NALF1: variants seen among roughly 807,000 people sequenced by gnomAD.
NALF1 encodes the protein family with sequence similarity 155 member A.
NALF1 carries 3 observed loss-of-function variants against 48.4 expected under a neutral mutation model. That is an observed-to-expected ratio of 0.06 (90% CI 0.03 to 0.16). The LOEUF is 0.16. NALF1 is among the 10% of genes least tolerant of loss of function. NALF1 has a pLI of 1.00. For synonymous variants in NALF1, 262 were observed against 245.7 expected (o/e 1.07, Z -0.62); for missense variants, 526 against 571.5 (o/e 0.92, Z 0.81).
At chr13:107,394,643 T>C (rs183071673) in intron 1 of NALF1, among the ~76,000 whole-genome samples, 3 of 152,318 alleles carry the variant, frequency 2.0e-5, no homozygotes, top group African/African-American at 7.2e-5. Flanking sequence ...ATATAACATA[T>C]TCTTAACATT....
chr13:107,376,935 G>A (rs936610828), intron 1 of NALF1, among the ~76,000 whole-genome samples: 2 of 152,106 alleles, frequency 1.3e-5, no homozygotes, highest in Non-Finnish European at 2.9e-5. Context: ...CTGTCAACTC[G>A]CTCCTGTTCA....
intron 1 of NALF1, among the ~76,000 whole-genome samples, chr13:107,247,191 T>C (rs774775408): frequency 2.6e-5 from 4 of 152,190 alleles, no homozygotes; most frequent in Non-Finnish European, 5.9e-5. Context: ...TTTGTTGACA[T>C]ACATATTGGC....
intron 1 of NALF1, among the ~76,000 whole-genome samples, chr13:107,822,646 G>A (rs1221693728): frequency 6.6e-6 from 1 of 152,142 alleles, no homozygotes; most frequent in Non-Finnish European, 1.5e-5. Flanking sequence ...CATGAATACT[G>A]TAAAAGTGCT....
intron 1 of NALF1, among the ~76,000 whole-genome samples, chr13:107,391,855 C>G (rs778465077): frequency 1.3e-5 from 2 of 152,000 alleles, no homozygotes; most frequent in Non-Finnish European, 2.9e-5. Context: ...ATATATAAAA[C>G]CAAGCTGTAC....
At chr13:107,190,973 C>T (rs1879267666) in intron 2 of NALF1, among the ~76,000 whole-genome samples, 1 of 152,170 alleles carries the variant, frequency 6.6e-6, no homozygotes, top group Non-Finnish European at 1.5e-5. Flanking sequence ...TGTAGTTATG[C>T]ATATTTTTCA....
chr13:107,737,822 AT>A (rs1418600422), intron 1 of NALF1, among the ~76,000 whole-genome samples: 1 of 152,218 alleles, frequency 6.6e-6, no homozygotes. Flanking sequence ...TGTATGCCTA[AT>A]AAAAACAATT....
At position 107,443,436 on chromosome 13, in the gene NALF1, C is replaced by T. The variant is rs182972999; in HGVS notation, c.916-232681G>A. ...CTTGCTATGTTGGCCAGGCTGGTCT[C>T]GAACCCATGACCTCAAGTGATCCAC... On this transcript the variant is annotated intron_variant, in intron 1 of 2. Coordinates refer to ENST00000375915, the MANE Select transcript of NALF1 (RefSeq NM_001080396.3). 5.9e-3 allele frequency among the ~76,000 whole-genome samples: 898 copies of T among 152,150 alleles called. 9 individuals carry two copies. Among genetic ancestry groups the T allele is most frequent in the African/African-American group, 0.02 (849 of 41,512 alleles).
chr13:107,665,670 A>G (rs1880839398), intron 1 of NALF1, among the ~76,000 whole-genome samples: 1 of 152,052 alleles, frequency 6.6e-6, no homozygotes, highest in Non-Finnish European at 1.5e-5. Context: ...TCTCATCTTG[A>G]CATGTTTGTG....
At position 107,358,676 on chromosome 13, in the gene NALF1, C is replaced by T. The variant is rs2138952478; in HGVS notation, c.916-147921G>A. Reference sequence around the variant, plus strand: ...CTTCTGCCATCATCAGAAGAGTAAACTCTATGGATGACCCCTGAATCACTG... The same window carrying T: ...CTTCTGCCATCATCAGAAGAGTAAATTCTATGGATGACCCCTGAATCACTG... On this transcript the variant is annotated intron_variant, in intron 1 of 2. Coordinates refer to ENST00000375915, the MANE Select transcript of NALF1 (RefSeq NM_001080396.3). Among the ~76,000 whole-genome samples the T allele has an allele frequency of 1.3e-5, 2 of 152,240 alleles. 1 individual carries two copies. Among genetic ancestry groups the T allele is most frequent in the Middle Eastern group, 6.8e-3 (2 of 294 alleles).
chr13:107,841,405 G>A (rs1247451567), intron 1 of NALF1, among the ~76,000 whole-genome samples: 2 of 152,084 alleles, frequency 1.3e-5, no homozygotes, highest in Non-Finnish European at 1.5e-5. Context: ...CACATTTGAT[G>A]ACATGAAGAA....
chr13:107,368,896 T>C (rs1235785539), intron 1 of NALF1, among the ~76,000 whole-genome samples: 1 of 152,196 alleles, frequency 6.6e-6, no homozygotes, highest in Non-Finnish European at 1.5e-5. Context: ...CTTCACCTCC[T>C]ACAATGCCCA....
At chr13:107,605,695 A>G (rs954099127) in intron 1 of NALF1, among the ~76,000 whole-genome samples, 1 of 152,210 alleles carries the variant, frequency 6.6e-6, no homozygotes, top group Non-Finnish European at 1.5e-5. Flanking sequence ...AATGTGGCTT[A>G]TCTTTCCATA....
chr13:107,515,778 T>C (rs1876033279), intron 1 of NALF1, among the ~76,000 whole-genome samples: 1 of 152,146 alleles, frequency 6.6e-6, no homozygotes, highest in Non-Finnish European at 1.5e-5. Context: ...TGTGGATTGG[T>C]TGGAGTAGAA....
intron 1 of NALF1, among the ~76,000 whole-genome samples, chr13:107,641,809 G>T (rs188218433): frequency 6.6e-6 from 1 of 152,110 alleles, no homozygotes; most frequent in African/African-American, 2.4e-5. Context: ...CAAGAATCTA[G>T]GGGGATTTAT....
intron 1 of NALF1, among the ~76,000 whole-genome samples, chr13:107,237,407 A>C: frequency 6.6e-6 from 1 of 152,044 alleles, no homozygotes; most frequent in East Asian, 1.9e-4. Flanking sequence ...CTTATAACCC[A>C]AAAACGTATA....
intron 1 of NALF1, among the ~76,000 whole-genome samples, chr13:107,829,963 TAAC>T (rs896068190): frequency 1.3e-5 from 2 of 152,272 alleles, no homozygotes; most frequent in African/African-American, 2.4e-5. Flanking sequence ...TAGCAGGAAG[TAAC>T]AACAAGAAAG....
intron 1 of NALF1, among the ~76,000 whole-genome samples, chr13:107,479,708 A>T (rs554083345): frequency 6.6e-6 from 1 of 152,282 alleles, no homozygotes; most frequent in South Asian, 2.1e-4. Flanking sequence ...TAATATCCAG[A>T]CTTTCAAGGA....
chr13:107,806,399 A>G (rs965369572), intron 1 of NALF1, among the ~76,000 whole-genome samples: 1 of 151,872 alleles, frequency 6.6e-6, no homozygotes, highest in Non-Finnish European at 1.5e-5. Context: ...AGAACCCCAG[A>G]AAAAAAATGA....
intron 1 of NALF1, among the ~76,000 whole-genome samples, chr13:107,464,451 C>T (rs528292608): frequency 5.9e-5 from 9 of 152,010 alleles, no homozygotes; most frequent in South Asian, 2.1e-4. Flanking sequence ...AATTACTGTA[C>T]GACTTTTATA....
Sources: gnomAD v4.1 joint callset for allele counts (sites outside exome capture counted in the v4.1 genomes callset) on GRCh38, gnomAD v4.1.1 for gene constraint, MANE v1.5 for transcripts, NCBI Gene and HGNC (gene_info 2026-07-23, HGNC 2026-07-21) for gene names.